The following THSD4 variants were observed in gnomAD, a reference collection of about 807,000 sequenced individuals.
THSD4 encodes thrombospondin type 1 domain containing 4.
Under a neutral mutation model 119.0 loss-of-function variants are expected in THSD4, and 69 were observed. That is an observed-to-expected ratio of 0.58 (90% CI 0.48 to 0.71). THSD4 has a LOEUF of 0.71. Ranked by LOEUF, THSD4 falls within the 30% of genes least tolerant of loss-of-function variation. The pLI is 0.00. For synonymous variants in THSD4, 524 were observed against 540.4 expected (o/e 0.97, Z 0.42); for missense variants, 1,393 against 1,391.1 (o/e 1.00, Z -0.02).
chr15:71,556,031 A>G (rs2049010535), intron 7 of THSD4, among the ~76,000 whole-genome samples: 1 of 152,176 alleles, frequency 6.6e-6, no homozygotes, highest in Non-Finnish European at 1.5e-5. Flanking sequence ...TACAAGTAAC[A>G]TGCTGTCTTA....
At chr15:71,136,723 G>A (rs1244828171) in intron 1 of THSD4, among the ~76,000 whole-genome samples, 3 of 152,084 alleles carry the variant, frequency 2.0e-5, no homozygotes, top group Non-Finnish European at 4.4e-5. Context: ...CCTGAACCCC[G>A]ACTTGAGAGA....
chr15:71,331,671 A>C (rs1189261514), intron 6 of THSD4, among the ~76,000 whole-genome samples: 2 of 152,140 alleles, frequency 1.3e-5, no homozygotes, highest in Non-Finnish European at 2.9e-5. Flanking sequence ...GAGTTGTAGG[A>C]CCTAGGGAAA....
chr15:71,666,401 A>G (rs1449821361), intron 8 of THSD4, among the ~76,000 whole-genome samples: 1 of 152,080 alleles, frequency 6.6e-6, no homozygotes, highest in Non-Finnish European at 1.5e-5. Context: ...TTTGTTGTAC[A>G]GATTATTTCA....
intron 7 of THSD4, among the ~76,000 whole-genome samples, chr15:71,532,283 A>AGTGTGTGTGTGT (rs1210856261): frequency 1.6e-4 from 16 of 101,648 alleles, no homozygotes; most frequent in African/African-American, 4.5e-4. Context: ...AGAGAGAGAG[A>AGTGTGTGTGTGT]GTGTGTGTGT....
At chr15:71,764,919 G>A (rs2053688588) in intron 15 of THSD4, 101 bp from the exon 16 acceptor site, 1 of 1,413,530 alleles carries the variant, frequency 7.1e-7, no homozygotes, top group East Asian at 2.3e-5. Context: ...TAGAATTGGT[G>A]GTAGAATTGA....
intron 4 of THSD4, among the ~76,000 whole-genome samples, chr15:71,236,095 C>T (rs937893222): frequency 3.3e-5 from 5 of 152,100 alleles, no homozygotes; most frequent in African/African-American, 4.8e-5. Flanking sequence ...TGCTGTGGCC[C>T]GTGTGGGGTT....
intron 6 of THSD4, among the ~76,000 whole-genome samples, chr15:71,377,889 C>CACACACACACACACACAA (rs2046166151): frequency 3.6e-5 from 3 of 84,000 alleles, no homozygotes; most frequent in Non-Finnish European, 7.3e-5. Flanking sequence ...CACACACACA[C>CACACACACACACACACAA]ACACACACAC....
rs548434007 is a variant in THSD4 at position 71,286,974 on chromosome 15, T to G, written c.1015+30259T>G. Among the ~76,000 whole-genome samples, 3 of 152,346 alleles carry G rather than the reference T, an allele frequency of 2.0e-5. No homozygotes were observed. The East Asian group carries it at 5.8e-4, about 29-fold the overall frequency. On this transcript the variant is annotated intron_variant, in intron 6 of 17. Coordinates refer to ENST00000261862, the MANE Select transcript of THSD4 (RefSeq NM_024817.3). ...AGTAGGGAAATTTCACTATAACTTT[T>G]GCTGATGTGGGGTTATTCCGAATTT...
At chr15:71,604,740 G>A (rs906529145) in intron 7 of THSD4, among the ~76,000 whole-genome samples, 2 of 152,034 alleles carry the variant, frequency 1.3e-5, no homozygotes, top group Admixed American at 1.3e-4. Flanking sequence ...ACTGTTTTAA[G>A]TTATACAAAA....
At chr15:71,448,486 C>T (rs527549759) in intron 7 of THSD4, among the ~76,000 whole-genome samples, 3 of 152,086 alleles carry the variant, frequency 2.0e-5, no homozygotes, top group African/African-American at 4.8e-5. Context: ...AAACAGAAAC[C>T]GTATTTGCGT....
intron 5 of THSD4, among the ~76,000 whole-genome samples, chr15:71,255,103 A>G (rs534090351): frequency 6.6e-6 from 1 of 152,164 alleles, no homozygotes; most frequent in Non-Finnish European, 1.5e-5. Context: ...TGATACATAC[A>G]GTAGATTTCT....
intron 2 of THSD4, among the ~76,000 whole-genome samples, chr15:71,147,415 G>T (rs893444253): frequency 2.0e-5 from 3 of 152,030 alleles, no homozygotes; most frequent in Middle Eastern, 3.2e-3. Flanking sequence ...TCACCATCTT[G>T]CCCAGGCTGA....
chr15:71,558,897 T>C (rs774623450), intron 7 of THSD4, among the ~76,000 whole-genome samples: 15 of 152,170 alleles, frequency 9.9e-5, no homozygotes, highest in Non-Finnish European at 1.8e-4. Flanking sequence ...TCTAACTTGA[T>C]TATATTGTGG....
At chr15:71,440,853 G>A (rs961053782) in intron 7 of THSD4, among the ~76,000 whole-genome samples, 1 of 152,170 alleles carries the variant, frequency 6.6e-6, no homozygotes, top group African/African-American at 2.4e-5. Flanking sequence ...ATTGCTCCTT[G>A]ATGATAACAT....
intron 3 of THSD4, among the ~76,000 whole-genome samples, chr15:71,181,148 C>G (rs1172015102): frequency 1.3e-5 from 2 of 152,328 alleles, no homozygotes; most frequent in South Asian, 4.1e-4. Context: ...GATTCTAAAG[C>G]AGACACTGTG....
chr15:71,654,744 A>G (rs2051156159), intron 7 of THSD4, among the ~76,000 whole-genome samples: 1 of 152,202 alleles, frequency 6.6e-6, no homozygotes, highest in Non-Finnish European at 1.5e-5. Flanking sequence ...TAATCATTTT[A>G]ATATTCTCCC....
chr15:71,357,502 G>A (rs1419906022), intron 6 of THSD4, among the ~76,000 whole-genome samples: 1 of 152,202 alleles, frequency 6.6e-6, no homozygotes, highest in Non-Finnish European at 1.5e-5. Flanking sequence ...CAGCAGCCAA[G>A]AGCCATGGGT....
chr15:71,407,596 A>AT (rs5813629), intron 6 of THSD4, among the ~76,000 whole-genome samples: 119,568 of 148,338 alleles, frequency 0.81, 48,944 homozygotes, highest in South Asian at 0.89. Context: ...AGTCACCAGC[A>AT]TTTTTTTTTT....
At chr15:71,262,949 G>GA (rs2044417976) in intron 6 of THSD4, among the ~76,000 whole-genome samples, 1 of 146,112 alleles carries the variant, frequency 6.8e-6, no homozygotes, top group Non-Finnish European at 1.5e-5. Context: ...CTTTGTTTTT[G>GA]TTTTTTTTTT....
Sources: gnomAD v4.1 joint callset for allele counts (sites outside exome capture counted in the v4.1 genomes callset) on GRCh38, gnomAD v4.1.1 for gene constraint, MANE v1.5 for transcripts, NCBI Gene and HGNC (gene_info 2026-07-23, HGNC 2026-07-21) for gene names.